Variants in ROBO1 observed in about 807,000 individuals in gnomAD.
The protein encoded by ROBO1 is roundabout guidance receptor 1.
ROBO1 carries 149 observed loss-of-function variants against 195.9 expected under a neutral mutation model. The observed-to-expected ratio is 0.76, with a 90% confidence interval of 0.67 to 0.87. The LOEUF (loss-of-function observed/expected upper bound fraction) is 0.87. Ranked by LOEUF, ROBO1 falls within the 40% of genes least tolerant of loss-of-function variation. ROBO1 has a pLI of 0.00. For missense variants in ROBO1, 1,933 were observed against 2,068.3 expected (o/e 0.93, Z 1.27); for synonymous variants, 816 against 733.2 (o/e 1.11, Z -1.82).
intron 2 of ROBO1, among the ~76,000 whole-genome samples, chr3:79,466,905 A>G (rs1411388648): frequency 6.6e-6 from 1 of 152,194 alleles, no homozygotes. Context: ...ATCCAGAGGA[A>G]GCTTGGTCAA....
intron 4 of ROBO1, among the ~76,000 whole-genome samples, chr3:78,913,545 G>GA: frequency 6.6e-6 from 1 of 152,062 alleles, no homozygotes; most frequent in East Asian, 1.9e-4. Context: ...ACTAGAAAGA[G>GA]AAAAATAATT....
chr3:79,459,784 T>C (rs2039741341), intron 2 of ROBO1, among the ~76,000 whole-genome samples: 1 of 152,084 alleles, frequency 6.6e-6, no homozygotes, highest in South Asian at 2.1e-4. Flanking sequence ...ATAAAAAGCA[T>C]TTTCACAAGG....
In ROBO1 at chr3:79,168,068, T is replaced by C. The variant is rs1000217725; in HGVS notation, c.89-42529A>G. Among the ~76,000 whole-genome samples, 7 of 152,322 alleles carry C rather than the reference T, an allele frequency of 4.6e-5. 1 individual carries two copies. In the East Asian group the frequency reaches 7.7e-4, roughly 17 times the overall value. On this transcript the variant is annotated intron_variant, in intron 2 of 30. Transcript: ENST00000464233. Reference sequence around the variant, plus strand: ...ATTATTTGCTATTTTGGGGAATGTATACTTTAATATAGATTCAGGCAATCT... The same window carrying C: ...ATTATTTGCTATTTTGGGGAATGTACACTTTAATATAGATTCAGGCAATCT...
intron 8 of ROBO1, among the ~76,000 whole-genome samples, chr3:78,702,891 T>C (rs927550750): frequency 2.0e-5 from 3 of 152,194 alleles, no homozygotes; most frequent in African/African-American, 7.2e-5. Flanking sequence ...AATCATCTTA[T>C]GTATCAATTA....
chr3:78,760,153 G>A (rs1369527342), intron 4 of ROBO1, among the ~76,000 whole-genome samples: 7 of 152,040 alleles, frequency 4.6e-5, no homozygotes, highest in Admixed American at 1.3e-4. Flanking sequence ...TATGTGAGAC[G>A]TGACTTTCAC....
intron 2 of ROBO1, among the ~76,000 whole-genome samples, chr3:79,481,909 G>A (rs1938882612): frequency 6.6e-6 from 1 of 151,978 alleles, no homozygotes; most frequent in African/African-American, 2.4e-5. Context: ...TTACAGAAAT[G>A]GAAAATAAAC....
chr3:79,311,033 G>A (rs75785284), intron 2 of ROBO1, among the ~76,000 whole-genome samples: 2,789 of 152,038 alleles, frequency 0.018, 65 homozygotes, highest in African/African-American at 0.058. Flanking sequence ...TATTTGATAC[G>A]TCAAGCTTGC....
intron 1 of ROBO1, among the ~76,000 whole-genome samples, chr3:79,625,902 C>G (rs1255727806): frequency 6.6e-6 from 1 of 151,934 alleles, no homozygotes; most frequent in Non-Finnish European, 1.5e-5. Context: ...AGAGACACAA[C>G]AAAAAAAGAA....
chr3:78,757,441 A>ATG (rs1472656384), intron 4 of ROBO1, among the ~76,000 whole-genome samples: 1 of 151,730 alleles, frequency 6.6e-6, no homozygotes, highest in Admixed American at 6.6e-5. Flanking sequence ...ATGCACACAC[A>ATG]CACACACACA....
At chr3:79,673,689 ATT>A (rs1946698331) in intron 1 of ROBO1, among the ~76,000 whole-genome samples, 1 of 151,986 alleles carries the variant, frequency 6.6e-6, no homozygotes, top group Non-Finnish European at 1.5e-5. Flanking sequence ...TAACTTTAAG[ATT>A]CGTCTGAGGT....
intron 3 of ROBO1, among the ~76,000 whole-genome samples, chr3:79,009,514 A>C (rs544968336): frequency 6.6e-6 from 1 of 152,322 alleles, no homozygotes; most frequent in Admixed American, 6.5e-5. Context: ...GAAATTATAC[A>C]ACAGCCATAG....
Position 78,729,296 on chromosome 3 carries a change from G to A in ROBO1, c.658-11413C>T, listed in dbSNP as rs2082235145. 2.2e-5 allele frequency among the ~76,000 whole-genome samples: 3 copies of A among 137,204 alleles called. No individual in the cohort carries two copies. In the South Asian group the frequency reaches 6.3e-4, roughly 29 times the overall value. The allele number at this position is 137,204 out of a possible 152,430, so 90.0% of individuals were successfully genotyped here. ...CACCCTGCAGACAGACATAGTTAAA[G>A]GAAAGGATGATTTTCTTTGTGAAAG... On this transcript the variant is annotated intron_variant, in intron 5 of 30. Coordinates refer to ENST00000464233, the MANE Select transcript of ROBO1 (RefSeq NM_002941.4).
At chr3:79,453,270 A>T (rs972908897) in intron 2 of ROBO1, among the ~76,000 whole-genome samples, 11 of 152,100 alleles carry the variant, frequency 7.2e-5, no homozygotes, top group Admixed American at 2.0e-4. Flanking sequence ...GCAAAAGACC[A>T]TTTAGCATTG....
intron 4 of ROBO1, among the ~76,000 whole-genome samples, chr3:78,808,436 C>T (rs1559877402): frequency 1.3e-5 from 2 of 152,102 alleles, no homozygotes; most frequent in East Asian, 3.9e-4. Context: ...AACTCCTGAA[C>T]TCGTGATCCA....
chr3:79,053,633 T>G (rs1249123299), intron 3 of ROBO1, among the ~76,000 whole-genome samples: 1 of 151,892 alleles, frequency 6.6e-6, no homozygotes, highest in East Asian at 2.0e-4. Flanking sequence ...ACATGGACGC[T>G]AGTAATCACC....
At chr3:79,688,767 C>T (rs1461435722) in intron 1 of ROBO1, among the ~76,000 whole-genome samples, 1 of 151,918 alleles carries the variant, frequency 6.6e-6, no homozygotes, top group African/African-American at 2.4e-5. Flanking sequence ...AAAAAATTCT[C>T]CCAGAGTCCT....
At chr3:79,242,089 C>A (rs1349776136) in intron 2 of ROBO1, among the ~76,000 whole-genome samples, 1 of 151,846 alleles carries the variant, frequency 6.6e-6, no homozygotes, top group Non-Finnish European at 1.5e-5. Context: ...ATCCCTGACC[C>A]TTTTTGCTCC....
intron 2 of ROBO1, among the ~76,000 whole-genome samples, chr3:79,525,908 C>T (rs1247072517): frequency 6.6e-6 from 1 of 152,114 alleles, no homozygotes; most frequent in Non-Finnish European, 1.5e-5. Context: ...CAGCGCCTGA[C>T]CCCAAAACTC....
At chr3:78,738,960 TA>T (rs1452704293) in intron 5 of ROBO1, among the ~76,000 whole-genome samples, 1 of 152,138 alleles carries the variant, frequency 6.6e-6, no homozygotes, top group Non-Finnish European at 1.5e-5. Context: ...TTCAATCAAG[TA>T]AAAACAGTTG....
Sources: allele counts gnomAD v4.1 joint callset (sites outside exome capture counted in the v4.1 genomes callset), GRCh38; gene constraint gnomAD v4.1.1; transcripts MANE v1.5; gene names NCBI Gene and HGNC (gene_info 2026-07-23, HGNC 2026-07-21).